NFATC3: variants seen among roughly 807,000 people sequenced by gnomAD.
The protein encoded by NFATC3 is nuclear factor of activated T cells 3, also known as nuclear factor of activated T-cells, cytoplasmic 3.
In NFATC3, 46 loss-of-function variants were observed where a neutral mutation model predicts 98.6. The ratio of observed to expected loss-of-function variants is 0.47; its 90% CI spans 0.37 to 0.60. The LOEUF (loss-of-function observed/expected upper bound fraction) is 0.60, where lower values mean the gene tolerates loss of function less well. Among genes scored for constraint, NFATC3 ranks in the 20% least tolerant of loss-of-function variants. The probability of loss-of-function intolerance (pLI) is 0.00; values close to 1 mark genes in which losing one functional copy is unlikely to be tolerated. For missense variants in NFATC3, 1,256 were observed against 1,295.5 expected (o/e 0.97, Z 0.47); for synonymous variants, 512 against 472.2 (o/e 1.08, Z -1.09).
intron 9 of NFATC3, chr16:68,214,338 T>A (rs1478160259): frequency 1.2e-6 from 2 of 1,614,130 alleles, no homozygotes; most frequent in South Asian, 2.2e-5. Flanking sequence ...GACCAATTTA[T>A]ATCTGACTTG....
intron 9 of NFATC3, among the ~76,000 whole-genome samples, chr16:68,222,308 A>T (rs1452527763): frequency 1.4e-5 from 2 of 139,140 alleles, no homozygotes; most frequent in African/African-American, 5.2e-5. Flanking sequence ...AAAAAAAAAA[A>T]AAAAAAAAAA....
intron 8 of NFATC3, among the ~76,000 whole-genome samples, chr16:68,187,378 G>A (rs965506214): frequency 6.6e-6 from 1 of 152,204 alleles, no homozygotes; most frequent in African/African-American, 2.4e-5. Flanking sequence ...CGAGCAGGGG[G>A]CCTGTTTCAA....
chr16:68,153,294 C>T (rs1567523020), intron 3 of NFATC3, among the ~76,000 whole-genome samples: 1 of 152,082 alleles, frequency 6.6e-6, no homozygotes, highest in Non-Finnish European at 1.5e-5. Context: ...TGATGGTGCA[C>T]ACCTGTAGTC....
At chr16:68,141,255 C>T (rs1365434972) in intron 3 of NFATC3, among the ~76,000 whole-genome samples, 1 of 152,144 alleles carries the variant, frequency 6.6e-6, no homozygotes, top group African/African-American at 2.4e-5. Flanking sequence ...GTTAATTGTG[C>T]TGTGAATAAT....
rs2039415941 is a variant in NFATC3 at position 68,170,607 on chromosome 16, C to T, written c.1774+3592C>T. 3.3e-5 allele frequency among the ~76,000 whole-genome samples: 5 copies of T among 151,154 alleles called. No homozygotes were observed. In the South Asian group the frequency reaches 1.0e-3, roughly 32 times the overall value. On this transcript the variant is annotated intron_variant, in intron 5 of 9. Transcript: ENST00000346183. ...TCCCAGGTTCAAGTAATTATTGTGC[C>T]TCAGCCTCCCAAGTAGCTGGGATTA... is the stretch of plus-strand genomic sequence containing the variant.
chr16:68,087,714 C>T (rs1410792694), intron 1 of NFATC3, among the ~76,000 whole-genome samples: 2 of 152,138 alleles, frequency 1.3e-5, no homozygotes, highest in African/African-American at 2.4e-5. Flanking sequence ...ATTTTTCCTT[C>T]CCTCCTCCCA....
chr16:68,145,176 G>A (rs1173131970), intron 3 of NFATC3, among the ~76,000 whole-genome samples: 6 of 141,966 alleles, frequency 4.2e-5, no homozygotes, highest in Non-Finnish European at 4.6e-5. Flanking sequence ...TCTGCAGATT[G>A]CACATCACCC....
At chr16:68,145,252 T>A (rs2037985310) in intron 3 of NFATC3, among the ~76,000 whole-genome samples, 1 of 151,312 alleles carries the variant, frequency 6.6e-6, no homozygotes, top group Non-Finnish European at 1.5e-5. Flanking sequence ...CAAGCCGTCC[T>A]CCAATCTCAG....
intron 3 of NFATC3, among the ~76,000 whole-genome samples, chr16:68,146,424 A>AT (rs1007042330): frequency 4.0e-5 from 6 of 151,682 alleles, no homozygotes; most frequent in East Asian, 1.9e-4. Context: ...AAAAAAAAGG[A>AT]TTTTTTTTAA....
At chr16:68,147,884 A>G (rs760687185) in intron 3 of NFATC3, among the ~76,000 whole-genome samples, 6 of 151,882 alleles carry the variant, frequency 4.0e-5, no homozygotes, top group African/African-American at 1.5e-4. Flanking sequence ...TGGCATTATT[A>G]CTTACCCCAT....
intron 1 of NFATC3, among the ~76,000 whole-genome samples, chr16:68,106,741 TG>T (rs2035680432): frequency 6.7e-6 from 1 of 149,448 alleles, no homozygotes; most frequent in Non-Finnish European, 1.5e-5. Flanking sequence ...TTTTTTTTGT[TG>T]TTTTTTTTTT....
At chr16:68,175,879 A>G (rs1338657169) in intron 6 of NFATC3, among the ~76,000 whole-genome samples, 2 of 152,168 alleles carry the variant, frequency 1.3e-5, no homozygotes, top group African/African-American at 4.8e-5. Flanking sequence ...ATAATATAAT[A>G]TAACAAATAC....
intron 3 of NFATC3, among the ~76,000 whole-genome samples, chr16:68,156,267 A>T (rs922018410): frequency 3.3e-5 from 5 of 152,160 alleles, no homozygotes; most frequent in Non-Finnish European, 5.9e-5. Context: ...GTGGGCTGAG[A>T]TCGTGTCACT....
intron 9 of NFATC3, chr16:68,221,080 G>C: frequency 9.0e-7 from 1 of 1,112,822 alleles, no homozygotes. Flanking sequence ...GCAAATTCAT[G>C]CATATATCCA....
chr16:68,104,198 A>G (rs1567498694), intron 1 of NFATC3, among the ~76,000 whole-genome samples: 1 of 152,128 alleles, frequency 6.6e-6, no homozygotes, highest in African/African-American at 2.4e-5. Flanking sequence ...GTCTTCTTTA[A>G]TTTATTTCAG....
At chr16:68,205,896 C>A (rs1468737770) in intron 9 of NFATC3, among the ~76,000 whole-genome samples, 3 of 150,448 alleles carry the variant, frequency 2.0e-5, no homozygotes, top group Non-Finnish European at 4.4e-5. Context: ...GCACCACTAT[C>A]TTTTTTTCTT....
chr16:68,125,522 A>T (rs1598405859), intron 2 of NFATC3, among the ~76,000 whole-genome samples: 1 of 152,280 alleles, frequency 6.6e-6, no homozygotes, highest in East Asian at 1.9e-4. Context: ...TGCTGAATGG[A>T]AGCAGTTTTT....
chr16:68,121,521 A>G (rs188223493), intron 1 of NFATC3, among the ~76,000 whole-genome samples: 2 of 151,850 alleles, frequency 1.3e-5, no homozygotes, highest in East Asian at 3.9e-4. Context: ...TGACAATAAA[A>G]AGTAACCAGG....
chr16:68,211,473 A>G (rs1438946898), intron 9 of NFATC3, among the ~76,000 whole-genome samples: 1 of 151,602 alleles, frequency 6.6e-6, no homozygotes, highest in Admixed American at 6.6e-5. Flanking sequence ...GGCGTGAGCC[A>G]CTGTGCCCGG....
Sources: gnomAD v4.1 joint callset for allele counts (sites outside exome capture counted in the v4.1 genomes callset) on GRCh38, gnomAD v4.1.1 for gene constraint, MANE v1.5 for transcripts, NCBI Gene and HGNC (gene_info 2026-07-23, HGNC 2026-07-21) for gene names.